RAP1GDS1: variants seen among roughly 807,000 people sequenced by gnomAD.
The protein encoded by RAP1GDS1 is RAP1, GTP-GDP dissociation stimulator 1.
RAP1GDS1 carries 35 observed loss-of-function variants against 71.1 expected under a neutral mutation model. That is an observed-to-expected ratio of 0.49 (90% CI 0.38 to 0.65). The LOEUF (loss-of-function observed/expected upper bound fraction) is 0.65, where lower values mean the gene tolerates loss of function less well. Ranked by LOEUF, RAP1GDS1 falls within the 30% of genes least tolerant of loss-of-function variation. The pLI is 0.00. For synonymous variants in RAP1GDS1, 229 were observed against 243.1 expected, an observed-to-expected ratio of 0.94 and a Z score of 0.54; for missense variants, 663 against 706.1, an observed-to-expected ratio of 0.94 and a Z score of 0.69.
At chr4:98,335,330 G>A (rs1431257981) in intron 2 of RAP1GDS1, among the ~76,000 whole-genome samples, 1 of 152,126 alleles carries the variant, frequency 6.6e-6, no homozygotes, top group African/African-American at 2.4e-5. Flanking sequence ...CAGTTGCTGG[G>A]CAGATGTCCT....
chr4:98,354,309 G>T (rs954850585), intron 4 of RAP1GDS1, among the ~76,000 whole-genome samples: 5 of 151,902 alleles, frequency 3.3e-5, no homozygotes, highest in African/African-American at 9.7e-5. Flanking sequence ...TGATCCACCC[G>T]CCTCGGCCTC....
At chr4:98,423,147 A>G (rs1749120789) in intron 12 of RAP1GDS1, among the ~76,000 whole-genome samples, 1 of 152,254 alleles carries the variant, frequency 6.6e-6, no homozygotes, top group Non-Finnish European at 1.5e-5. Context: ...CGGGTGTAAC[A>G]GAGGAAAGAA....
intron 2 of RAP1GDS1, among the ~76,000 whole-genome samples, chr4:98,302,855 G>A (rs1215948810): frequency 6.6e-6 from 1 of 152,218 alleles, no homozygotes; most frequent in Non-Finnish European, 1.5e-5. Context: ...AGACCAGCCT[G>A]GCCAATATGG....
At chr4:98,308,925 G>A (rs1432598177) in intron 2 of RAP1GDS1, among the ~76,000 whole-genome samples, 1 of 151,948 alleles carries the variant, frequency 6.6e-6, no homozygotes, top group Non-Finnish European at 1.5e-5. Flanking sequence ...TTTACCACCA[G>A]AAAATTGTTT....
chr4:98,261,670 C>T, intron 1 of RAP1GDS1, 101 bp downstream of exon 1: 2 of 1,417,960 alleles, frequency 1.4e-6, no homozygotes, highest in Non-Finnish European at 9.7e-7. Flanking sequence ...CGGATTTCTC[C>T]AGTCCCCGGG....
chr4:98,319,475 G>A (rs1731449880), intron 2 of RAP1GDS1, among the ~76,000 whole-genome samples: 1 of 151,988 alleles, frequency 6.6e-6, no homozygotes, highest in African/African-American at 2.4e-5. Context: ...CATTATAGTT[G>A]ACTGTTGGAA....
chr4:98,410,338 ACT>A (rs770918085), intron 7 of RAP1GDS1, among the ~76,000 whole-genome samples: 2 of 152,138 alleles, frequency 1.3e-5, no homozygotes, highest in Admixed American at 6.5e-5. Flanking sequence ...GAAAATGTTC[ACT>A]CTTAGGTAAC....
At chr4:98,321,885 CATCATAATG>C (rs1731981794) in intron 2 of RAP1GDS1, among the ~76,000 whole-genome samples, 1 of 74,720 alleles carries the variant, frequency 1.3e-5, no homozygotes, top group African/African-American at 5.5e-5. Context: ...CACCAGCTAA[CATCATAATG>C]ACAGGATCAA....
chr4:98,442,415 A>G lies in RAP1GDS1; in HGVS notation c.*298A>G, dbSNP rs1430868268. The G allele has an allele frequency of 7.2e-6, 2 of 278,290 alleles. No individual in the cohort carries two copies. The highest frequency in any genetic ancestry group is 1.4e-5 in the Non-Finnish European group (2 of 146,954). 17.2% of individuals were successfully genotyped at this position (278,290 alleles called of 1,614,324 possible). A position where few individuals can be genotyped will look rare whatever the true frequency, so the allele number is the denominator to read the frequency against. On this transcript the variant is annotated 3_prime_UTR_variant, in exon 15 of 15. Coordinates refer to ENST00000408927, the MANE Select transcript of RAP1GDS1 (RefSeq NM_001100427.2). The stretch of plus-strand genomic sequence containing the variant: ...CCTATGATGATGTAAACTTGGTACT[A>G]CATAATGACTTGCTCCACACATGCA...
chr4:98,419,207 C>T (rs1748454414), intron 10 of RAP1GDS1, among the ~76,000 whole-genome samples: 1 of 152,114 alleles, frequency 6.6e-6, no homozygotes, highest in Admixed American at 6.5e-5. Flanking sequence ...AGGCATGTGC[C>T]ACCATGCCCA....
intron 5 of RAP1GDS1, among the ~76,000 whole-genome samples, chr4:98,389,980 A>C (rs1277064296): frequency 6.6e-6 from 1 of 152,190 alleles, no homozygotes; most frequent in Non-Finnish European, 1.5e-5. Flanking sequence ...TTTGACTCAC[A>C]TTCAATGCAT....
intron 1 of RAP1GDS1, among the ~76,000 whole-genome samples, chr4:98,269,370 G>A (rs1365963657): frequency 7.2e-5 from 11 of 151,996 alleles, no homozygotes; most frequent in Non-Finnish European, 7.4e-5. Context: ...CATAAGATGC[G>A]CGCAAGAAAA....
rs548130592 is a variant in RAP1GDS1 at position 98,352,158 on chromosome 4, C to G, written c.236-318C>G. On this transcript the variant is annotated intron_variant, in intron 3 of 14. Transcript: ENST00000408927. ...TTTCCATCATCACACATATTGCTTC[C>G]AAAGCATATCGTTATTACGAGAAGA... 1.0e-3 allele frequency among the ~76,000 whole-genome samples: 156 copies of G among 151,966 alleles called. 1 individual carries two copies. Among genetic ancestry groups the G allele is most frequent in the South Asian group, 8.9e-3 (43 of 4,810 alleles).
At chr4:98,374,351 C>G (rs72896370) in intron 4 of RAP1GDS1, among the ~76,000 whole-genome samples, 1 of 152,092 alleles carries the variant, frequency 6.6e-6, no homozygotes, top group Non-Finnish European at 1.5e-5. Flanking sequence ...TTAACTCTTT[C>G]TTACAGTCTC....
At chr4:98,274,869 G>A (rs1391817231) in intron 1 of RAP1GDS1, among the ~76,000 whole-genome samples, 1 of 152,122 alleles carries the variant, frequency 6.6e-6, no homozygotes, top group Non-Finnish European at 1.5e-5. Flanking sequence ...ATCTCCAGTA[G>A]TTATTCTCAC....
chr4:98,416,549 A>G (rs1334035402), intron 7 of RAP1GDS1, among the ~76,000 whole-genome samples, 196 bp from the exon 8 acceptor site: 3 of 151,454 alleles, frequency 2.0e-5, no homozygotes, highest in Non-Finnish European at 4.4e-5. Context: ...ACGGGGTTTC[A>G]TGGTGTTAGC....
In RAP1GDS1 at chr4:98,420,749, C is replaced by T. The variant is rs73834486; in HGVS notation, c.1301-506C>T. Among the ~76,000 whole-genome samples the T allele has an allele frequency of 5.0e-3, 763 of 152,214 alleles. 7 individuals are homozygous for T. Among genetic ancestry groups the T allele is most frequent in the South Asian group, 0.019 (90 of 4,820 alleles). ...TTTAGGTTGCTTTATTCATCAGTTTCGGCAGGGGGTGTTGTGTTTTGGCAT... is the reference window on the plus strand; with the variant it reads ...TTTAGGTTGCTTTATTCATCAGTTTTGGCAGGGGGTGTTGTGTTTTGGCAT... On this transcript the variant is annotated intron_variant, in intron 11 of 14. Transcript: ENST00000408927.
intron 2 of RAP1GDS1, 115 bp from the exon 3 acceptor site, chr4:98,343,024 G>A (rs1226575207): frequency 7.0e-6 from 8 of 1,141,602 alleles, no homozygotes; most frequent in African/African-American, 6.4e-5. Flanking sequence ...AATGTATACC[G>A]AAACTAATTT....
chr4:98,297,152 AAAAG>A (rs905131162), intron 2 of RAP1GDS1, among the ~76,000 whole-genome samples: 6 of 152,274 alleles, frequency 3.9e-5, no homozygotes, highest in Non-Finnish European at 7.4e-5. Context: ...TTTAAAGAAA[AAAAG>A]CATTTAATGT....
Sources: allele counts gnomAD v4.1 joint callset (sites outside exome capture counted in the v4.1 genomes callset), GRCh38; gene constraint gnomAD v4.1.1; transcripts MANE v1.5; gene names NCBI Gene and HGNC (gene_info 2026-07-23, HGNC 2026-07-21).